Variants in GCAT observed in about 807,000 individuals in gnomAD.
The protein encoded by GCAT is glycine C-acetyltransferase, also known as 2-amino-3-ketobutyrate coenzyme A ligase, mitochondrial.
Under a neutral mutation model 39.7 loss-of-function variants are expected in GCAT, and 26 were observed. The ratio of observed to expected loss-of-function variants is 0.65; its 90% CI spans 0.48 to 0.91. The LOEUF is 0.91. Among genes scored for constraint, GCAT ranks in the 40% least tolerant of loss-of-function variants. The probability of loss-of-function intolerance (pLI) is 0.00; values close to 1 mark genes in which losing one functional copy is unlikely to be tolerated. For missense variants in GCAT, 550 were observed against 576.2 expected (o/e 0.95, Z 0.47); for synonymous variants, 218 against 237.2 (o/e 0.92, Z 0.74).
chr22:37,813,760 C>A, intron 4 of GCAT, 151 bp downstream of exon 4: 1 of 699,086 alleles, frequency 1.4e-6, no homozygotes, highest in Non-Finnish European at 2.3e-6. Flanking sequence ...ACACCCAGAG[C>A]ATTATTCTTT....
At chr22:37,816,916 TGTCTCTGGG>T, downstream of GCAT, 1 of 591,914 alleles carries the variant, frequency 1.7e-6, no homozygotes, top group Non-Finnish European at 3.0e-6. Flanking sequence ...TCTGCTTTAT[TGTCTCTGGG>T]CAGGCCCAGT....
At chr22:37,812,029 CT>C (rs1320593730) in intron 2 of GCAT, among the ~76,000 whole-genome samples, 1 of 152,058 alleles carries the variant, frequency 6.6e-6, no homozygotes, top group East Asian at 1.9e-4. Flanking sequence ...GATTTGAACC[CT>C]GGCTCAAGAG....
Position 37,815,404 on chromosome 22 carries a change from G to A in GCAT, c.732-14G>A, listed in dbSNP as rs1375282710. On this transcript the variant is annotated splice_polypyrimidine_tract_variant and intron_variant, in intron 5 of 8. Coordinates refer to ENST00000248924, the MANE Select transcript of GCAT (RefSeq NM_014291.4). ...TCAGGAGGCCAGTGACAGCAGCGGTGGCTTCCCTTGCAGGGGCACAGATGA... is the reference window on the plus strand; with the variant it reads ...TCAGGAGGCCAGTGACAGCAGCGGTAGCTTCCCTTGCAGGGGCACAGATGA... 6.2e-7 allele frequency: 1 copy of A among 1,607,832 alleles called. No homozygotes were observed. The highest frequency in any genetic ancestry group is 8.5e-7 in the Non-Finnish European group (1 of 1,176,926).
rs1294030623 is a variant in GCAT, at chr22:37,813,330, A to G, written c.430-133A>G. 8.9e-6 allele frequency: 9 copies of G among 1,012,024 alleles called. No individual in the cohort carries two copies. The South Asian group carries it at 1.2e-4, about 14-fold the overall frequency. The allele number at this position is 1,012,024 out of a possible 1,614,324, so 62.7% of individuals were successfully genotyped here. On this transcript the variant is annotated intron_variant, in intron 3 of 8. Transcript: ENST00000248924. ...AGACACGGGGGCCCCAGAGAGAAGC[A>G]CAGAACACCTTGCCTCTCTACCCAG...
chr22:37,809,703 C>G (rs1276706765), intron 1 of GCAT, among the ~76,000 whole-genome samples: 1 of 152,000 alleles, frequency 6.6e-6, no homozygotes, highest in Non-Finnish European at 1.5e-5. Context: ...CACCTGTAGT[C>G]CCAGCTACTC....
intron 2 of GCAT, among the ~76,000 whole-genome samples, chr22:37,812,277 GGC>G (rs1436633719): frequency 6.6e-6 from 1 of 152,078 alleles, no homozygotes; most frequent in African/African-American, 2.4e-5. Flanking sequence ...AGGAGTTCAA[GGC>G]TACAGTAAGC....
At chr22:37,811,547 C>T (rs1921594862) in intron 2 of GCAT, among the ~76,000 whole-genome samples, 1 of 149,204 alleles carries the variant, frequency 6.7e-6, no homozygotes. Context: ...TGAATGTTGG[C>T]TATTATTTAT....
intron 7 of GCAT, 114 bp downstream of exon 7, chr22:37,815,948 T>C: frequency 8.4e-7 from 1 of 1,184,894 alleles, no homozygotes; most frequent in Non-Finnish European, 1.2e-6. Context: ...CTTCTGCCTG[T>C]TCCCCTCCCT....
At chr22:37,810,389 C>T (rs1360145606) in intron 2 of GCAT, among the ~76,000 whole-genome samples, 2 of 152,134 alleles carry the variant, frequency 1.3e-5, no homozygotes, top group Non-Finnish European at 2.9e-5. Flanking sequence ...CTCTGTCACC[C>T]AGGCTGGAGT....
intron 1 of GCAT, 121 bp downstream of exon 1, chr22:37,808,284 C>G: frequency 1.3e-6 from 1 of 750,360 alleles, no homozygotes; most frequent in Non-Finnish European, 2.0e-6. Context: ...TCGCATCTCT[C>G]AGGGCGACTT....
intron 4 of GCAT, 68 bp from the exon 5 acceptor site, chr22:37,815,058 C>A: frequency 6.6e-7 from 1 of 1,516,968 alleles, no homozygotes; most frequent in Non-Finnish European, 9.1e-7. Flanking sequence ...GAGCTCCAAG[C>A]AGCACAAGAG....
intron 4 of GCAT, among the ~76,000 whole-genome samples, chr22:37,813,975 A>G (rs1400049153): frequency 6.6e-6 from 1 of 152,128 alleles, no homozygotes; most frequent in Non-Finnish European, 1.5e-5. Flanking sequence ...CATGTTGTCC[A>G]GGCTGGTCTC....
Position 37,816,560 on chromosome 22 carries a change from C to T in GCAT, c.1109-7C>T. The T allele has an allele frequency of 6.2e-7, 1 of 1,614,174 alleles. No homozygotes were observed. Among genetic ancestry groups the T allele is most frequent in the Non-Finnish European group, 8.5e-7 (1 of 1,179,986 alleles). On this transcript the variant is annotated splice_polypyrimidine_tract_variant and splice_region_variant and intron_variant, in intron 8 of 8. Coordinates refer to ENST00000248924, the MANE Select transcript of GCAT (RefSeq NM_014291.4). ...TTCTGGCACGCCCTTGCTTTCTACC[C>T]TCCCAGGCATCTTTGTCATCGGGTT...
rs1922092448 is a variant in GCAT at position 37,815,666 on chromosome 22, G to T, written c.818G>T (p.Gly273Val). 5.0e-6 allele frequency: 8 copies of T among 1,609,360 alleles called. No individual in the cohort carries two copies. Among genetic ancestry groups the T allele is most frequent in the South Asian group, 4.4e-5 (4 of 90,956 alleles). ...CCACCTCTTCCCTTCTTCTCAGGGG[G>T]CTACACGACAGGGCCTGGGCCCCTG... ...LGKALGGASG[G>V]YTTGPGPLVS... The change falls in exon 7 of 9, where the codon GGC becomes GTC. Residue 273 changes from glycine (G) to valine (V), a missense_variant. Around this residue, in one of 3 missense-constraint regions of GCAT, gnomAD observed 378 missense variants for 390.4 expected, o/e 0.97. Coordinates refer to ENST00000248924, the MANE Select transcript of GCAT (RefSeq NM_014291.4).
Position 37,812,964 on chromosome 22 carries a change from T to C in GCAT, c.405T>C (p.Tyr135=), listed in dbSNP as rs765783481. 13 of 1,613,442 alleles carry C rather than the reference T, an allele frequency of 8.1e-6. No individual in the cohort carries two copies. In the African/African-American group the frequency reaches 1.1e-4, roughly 13 times the overall value. ...REDAILYPSC[Y]DANAGLFEAL... is the part of the protein sequence containing the mutation. ...ATGCCATCCTCTATCCCAGCTGTTATGACGCCAACGCCGGCCTCTTTGAGG... is the reference window on the plus strand; with the variant it reads ...ATGCCATCCTCTATCCCAGCTGTTACGACGCCAACGCCGGCCTCTTTGAGG... The change falls in exon 3 of 9, where the codon TAT becomes TAC. Residue 135 remains tyrosine (Y), a synonymous_variant. Transcript: ENST00000248924.
Position 37,815,752 on chromosome 22 carries a change from G to A in GCAT, c.904G>A (p.Val302Ile). The part of the protein sequence containing the change: ...YLFSNSLPPA[V>I]VGCASKALDL... ...CTTCTCCAACAGTCTGCCACCTGCT[G>A]TCGTTGGCTGCGCCTCCAAGGCCCT... The change falls in exon 7 of 9, where the codon GTC (valine) becomes ATC (isoleucine). Residue 302 changes from valine (V) to isoleucine (I), a missense_variant. Physicochemically the swap from Val to Ile is conservative, Grantham distance 29 (BLOSUM62 3). Transcript: ENST00000248924. 1 of 1,613,852 alleles carries A rather than the reference G, an allele frequency of 6.2e-7. No individual in the cohort carries two copies. Among genetic ancestry groups the A allele is most frequent in the Non-Finnish European group, 8.5e-7 (1 of 1,179,888 alleles).
At chr22:37,810,351 T>C (rs1921442421) in intron 2 of GCAT, among the ~76,000 whole-genome samples, 194 bp downstream of exon 2, 1 of 152,006 alleles carries the variant, frequency 6.6e-6, no homozygotes, top group African/African-American at 2.4e-5. Flanking sequence ...TTTATATATA[T>C]ATTTTTTCTT....
chr22:37,810,260 G>A, intron 2 of GCAT, 103 bp downstream of exon 2: 3 of 835,576 alleles, frequency 3.6e-6, no homozygotes, highest in South Asian at 3.0e-5. Context: ...ACAGCCCTGG[G>A]CCTACTGTTG....
At chr22:37,813,666 A>G in intron 4 of GCAT, 57 bp downstream of exon 4, 1 of 1,486,090 alleles carries the variant, frequency 6.7e-7, no homozygotes, top group South Asian at 1.3e-5. Context: ...AGTGAGGCTT[A>G]GAGAGGCCAA....
Sources: allele counts gnomAD v4.1 joint callset (sites outside exome capture counted in the v4.1 genomes callset), GRCh38; gene constraint gnomAD v4.1.1; regional missense constraint gnomAD v4.1.1; transcripts MANE v1.5; gene names NCBI Gene and HGNC (gene_info 2026-07-23, HGNC 2026-07-21).